Variants in CCDC68 observed in about 807,000 individuals in gnomAD.
CCDC68 encodes the protein coiled-coil domain containing 68, also known as coiled-coil domain-containing protein 68.
A neutral mutation model predicts 47.1 loss-of-function variants in CCDC68; 45 were observed. The observed-to-expected ratio is 0.96, with a 90% CI of 0.75 to 1.23. CCDC68 has a LOEUF of 1.23. CCDC68 is among the 50% of genes most tolerant of loss of function. The pLI is 0.00. For synonymous variants in CCDC68, 131 were observed against 129.5 expected, an observed-to-expected ratio of 1.01 and a Z score of -0.08; for missense variants, 353 against 373.6, an observed-to-expected ratio of 0.94 and a Z score of 0.45.
intron 2 of CCDC68, among the ~76,000 whole-genome samples, chr18:54,944,362 G>A (rs2044488379): frequency 1.3e-5 from 2 of 151,988 alleles, no homozygotes; most frequent in African/African-American, 4.8e-5. Context: ...TTAATCTTAT[G>A]TTACTGATAA....
At chr18:54,955,208 C>A (rs2044691529) in intron 1 of CCDC68, among the ~76,000 whole-genome samples, 1 of 152,116 alleles carries the variant, frequency 6.6e-6, no homozygotes, top group Non-Finnish European at 1.5e-5. Context: ...GTAGTCCCAG[C>A]CATACAGGAG....
chr18:54,947,092 A>G (rs1016453496), intron 1 of CCDC68, among the ~76,000 whole-genome samples: 56 of 152,262 alleles, frequency 3.7e-4, no homozygotes, highest in Non-Finnish European at 1.5e-4. Context: ...GGCGAAGTCC[A>G]AATTGCCATA....
At chr18:54,923,630 C>A (rs1321435621) in intron 8 of CCDC68, among the ~76,000 whole-genome samples, 3 of 152,054 alleles carry the variant, frequency 2.0e-5, no homozygotes, top group African/African-American at 7.2e-5. Flanking sequence ...CCATTTAAGA[C>A]CTTTAAATGT....
At chr18:54,933,895 T>G (rs565195910) in intron 7 of CCDC68, among the ~76,000 whole-genome samples, 1 of 152,340 alleles carries the variant, frequency 6.6e-6, no homozygotes, top group Non-Finnish European at 1.5e-5. Flanking sequence ...TTGGGAAACA[T>G]TTTTAAACAA....
chr18:54,935,841 T>G (rs1427233951), intron 6 of CCDC68, among the ~76,000 whole-genome samples: 1 of 152,146 alleles, frequency 6.6e-6, no homozygotes, highest in Non-Finnish European at 1.5e-5. Context: ...GAATGAACTT[T>G]CCTATTAGCT....
intron 8 of CCDC68, among the ~76,000 whole-genome samples, chr18:54,927,266 A>G (rs987931181): frequency 6.6e-6 from 1 of 152,212 alleles, no homozygotes; most frequent in African/African-American, 2.4e-5. Flanking sequence ...ACCTTTCTAG[A>G]AACACCAAAC....
chr18:54,904,056 GA>G lies in CCDC68; in HGVS notation c.*301del, dbSNP rs200466663. 24 of 257,806 alleles carry G rather than the reference GA, an allele frequency of 9.3e-5. No individual in the cohort carries two copies. Among genetic ancestry groups the G allele is most frequent in the East Asian group, 3.4e-4 (4 of 11,738 alleles). The allele number at this position is 257,806 out of a possible 1,614,324, so 16.0% of individuals were successfully genotyped here. A position where few individuals can be genotyped will look rare whatever the true frequency, so the allele number is the denominator to read the frequency against. The stretch of plus-strand genomic sequence containing the variant: ...TGACAATCTTAAAACAATCCCAGTA[GA>G]AAAAAAAATCTGAAAACAAGATTCA... On this transcript the variant is annotated 3_prime_UTR_variant, in exon 12 of 12. Transcript: ENST00000591504.
chr18:54,957,416 G>A (rs1265091925), intron 1 of CCDC68, among the ~76,000 whole-genome samples: 2 of 152,184 alleles, frequency 1.3e-5, no homozygotes, highest in Non-Finnish European at 2.9e-5. Context: ...TGGCCTGGAG[G>A]ACTCCAATGT....
chr18:54,948,476 G>A (rs1197220364), intron 1 of CCDC68, among the ~76,000 whole-genome samples: 1 of 152,154 alleles, frequency 6.6e-6, no homozygotes, highest in Admixed American at 6.5e-5. Flanking sequence ...AGAACTGAGA[G>A]ATGATCCATT....
At chr18:54,943,675 T>C (rs1453296825) in intron 2 of CCDC68, among the ~76,000 whole-genome samples, 2 of 152,248 alleles carry the variant, frequency 1.3e-5, no homozygotes, top group Admixed American at 1.3e-4. Context: ...TCTTGAACTA[T>C]ATTCACTCAT....
chr18:54,957,980 A>G (rs1489021975), intron 1 of CCDC68: 3 of 152,176 alleles, frequency 2.0e-5, no homozygotes, highest in Non-Finnish European at 4.4e-5. Context: ...CTCACCTTCA[A>G]TGTTGAGCAT....
chr18:54,920,865 G>A (rs1262261521), intron 8 of CCDC68, among the ~76,000 whole-genome samples: 2 of 152,098 alleles, frequency 1.3e-5, no homozygotes, highest in Non-Finnish European at 2.9e-5. Context: ...AAGGAAAACC[G>A]ATCATTCTAC....
chr18:54,911,519 A>G (rs1914365973), intron 10 of CCDC68, among the ~76,000 whole-genome samples: 1 of 152,212 alleles, frequency 6.6e-6, no homozygotes, highest in Non-Finnish European at 1.5e-5. Context: ...AAATTTCAAG[A>G]GTGAAGCTAA....
chr18:54,909,467 A>G (rs1001777633), intron 10 of CCDC68, among the ~76,000 whole-genome samples: 5 of 146,044 alleles, frequency 3.4e-5, no homozygotes, highest in African/African-American at 1.3e-4. Flanking sequence ...ACAAGGTGTC[A>G]TTTTTCTGGC....
chr18:54,910,145 G>C (rs968971718), intron 10 of CCDC68, among the ~76,000 whole-genome samples: 1 of 152,206 alleles, frequency 6.6e-6, no homozygotes, highest in Non-Finnish European at 1.5e-5. Context: ...CCTGACAAGT[G>C]TCCAGCTCCT....
chr18:54,941,591 G>A (rs2044439286), intron 3 of CCDC68, among the ~76,000 whole-genome samples: 1 of 152,172 alleles, frequency 6.6e-6, no homozygotes, highest in Non-Finnish European at 1.5e-5. Context: ...ATGACCTATG[G>A]AGTTGCAAGA....
At chr18:54,919,209 G>T (rs577756990) in intron 9 of CCDC68, 62 bp downstream of exon 9, 5 of 1,284,090 alleles carry the variant, frequency 3.9e-6, no homozygotes, top group East Asian at 2.3e-5. Context: ...CAAGCCACTC[G>T]TATTTGGGCT....
intron 11 of CCDC68, among the ~76,000 whole-genome samples, chr18:54,906,766 CTTTTA>C (rs1914033482): frequency 6.6e-6 from 1 of 152,196 alleles, no homozygotes; most frequent in Non-Finnish European, 1.5e-5. Context: ...GGCTTCATTT[CTTTTA>C]TTTTCTAGAA....
chr18:54,932,137 T>C (rs1251839015), intron 7 of CCDC68, among the ~76,000 whole-genome samples: 1 of 152,086 alleles, frequency 6.6e-6, no homozygotes, highest in Non-Finnish European at 1.5e-5. Context: ...TTCCTTATAG[T>C]TTTATTTATT....
Sources: gnomAD v4.1 joint callset for allele counts (sites outside exome capture counted in the v4.1 genomes callset) on GRCh38, gnomAD v4.1.1 for gene constraint, MANE v1.5 for transcripts, NCBI Gene and HGNC (gene_info 2026-07-23, HGNC 2026-07-21) for gene names.